The following ZMYM4 variants were observed in gnomAD, a reference collection of about 807,000 sequenced individuals.
The protein encoded by ZMYM4 is zinc finger MYM-type containing 4.
In ZMYM4, 31 loss-of-function variants were observed where a neutral mutation model predicts 183.2. The observed-to-expected ratio is 0.17, with a 90% CI of 0.13 to 0.23. The LOEUF is 0.23. Ranked by LOEUF, ZMYM4 falls within the 10% of genes least tolerant of loss-of-function variation. The probability of loss-of-function intolerance (pLI) is 1.00; values close to 1 mark genes in which losing one functional copy is unlikely to be tolerated. For synonymous variants in ZMYM4, 592 were observed against 631.2 expected, an observed-to-expected ratio of 0.94 and a Z score of 0.93; for missense variants, 1,273 against 1,840.3, an observed-to-expected ratio of 0.69 and a Z score of 5.64.
chr1:35,364,624 T>C (rs1644024675), intron 5 of ZMYM4, among the ~76,000 whole-genome samples: 1 of 152,198 alleles, frequency 6.6e-6, no homozygotes, highest in Admixed American at 6.5e-5. Flanking sequence ...TATTAGCCTC[T>C]CATAAAATAC....
intron 26 of ZMYM4, among the ~76,000 whole-genome samples, chr1:35,413,496 T>C (rs558973527): frequency 6.6e-6 from 1 of 152,340 alleles, no homozygotes; most frequent in East Asian, 1.9e-4. Context: ...TCCAAATAAA[T>C]AGTTTTTAAA....
At chr1:35,308,193 C>T (rs1022731196) in intron 1 of ZMYM4, among the ~76,000 whole-genome samples, 1 of 151,878 alleles carries the variant, frequency 6.6e-6, no homozygotes, top group South Asian at 2.1e-4. Context: ...GGTTTTGCCA[C>T]GTTGGCCAGG....
chr1:35,361,842 T>C, intron 5 of ZMYM4, 53 bp downstream of exon 5: 7 of 1,565,208 alleles, frequency 4.5e-6, no homozygotes, highest in South Asian at 2.4e-5. Context: ...CATTGAATTA[T>C]TCATTTGAGA....
At chr1:35,352,679 C>G (rs776392292) in intron 2 of ZMYM4, among the ~76,000 whole-genome samples, 7 of 152,172 alleles carry the variant, frequency 4.6e-5, no homozygotes, top group Non-Finnish European at 1.0e-4. Flanking sequence ...GCACTCCCTC[C>G]TATTTTCTTC....
chr1:35,279,175 G>A (rs2148679883), intron 1 of ZMYM4, among the ~76,000 whole-genome samples: 1 of 152,244 alleles, frequency 6.6e-6, no homozygotes, highest in Admixed American at 6.5e-5. Context: ...TTCCCTGAAG[G>A]GTTGCACATG....
intron 2 of ZMYM4, among the ~76,000 whole-genome samples, chr1:35,345,226 A>G (rs1000562496): frequency 2.6e-5 from 4 of 152,188 alleles, no homozygotes; most frequent in African/African-American, 4.8e-5. Context: ...TAAATAGTCA[A>G]GTGTCACGTG....
At chr1:35,336,887 ATGT>A (rs1318236555) in intron 2 of ZMYM4, among the ~76,000 whole-genome samples, 1 of 152,130 alleles carries the variant, frequency 6.6e-6, no homozygotes, top group Non-Finnish European at 1.5e-5. Flanking sequence ...AGTTCCCCCC[ATGT>A]TGTTCTTGTG....
intron 5 of ZMYM4, 59 bp from the exon 6 acceptor site, chr1:35,369,970 A>T (rs1185475255): frequency 8.0e-7 from 1 of 1,245,090 alleles, no homozygotes; most frequent in East Asian, 2.5e-5. Context: ...GAATGTCTGG[A>T]TGTCTTTAGG....
chr1:35,415,756 T>G (rs1300005346), intron 28 of ZMYM4, 42 bp downstream of exon 28: 3 of 1,596,336 alleles, frequency 1.9e-6, no homozygotes, highest in Non-Finnish European at 2.6e-6. Flanking sequence ...GAAGTCTTAG[T>G]AGTAGTACTA....
intron 9 of ZMYM4, 143 bp downstream of exon 9, chr1:35,381,901 T>G (rs538883073): frequency 1.4e-5 from 15 of 1,043,240 alleles, no homozygotes; most frequent in Admixed American, 5.6e-5. Context: ...TCCCAGCACT[T>G]TGGGAGGCTG....
chr1:35,364,443 A>G (rs1644019342), intron 5 of ZMYM4, among the ~76,000 whole-genome samples: 1 of 152,046 alleles, frequency 6.6e-6, no homozygotes, highest in South Asian at 2.1e-4. Context: ...TAGATATGTG[A>G]TTCTTTCCTT....
At chr1:35,323,155 C>T (rs1455305622) in intron 1 of ZMYM4, among the ~76,000 whole-genome samples, 1 of 151,910 alleles carries the variant, frequency 6.6e-6, no homozygotes, top group African/African-American at 2.4e-5. Context: ...GTGCCCGCCA[C>T]CACGCCCAGC....
At chr1:35,271,853 A>G (rs1021578938) in intron 1 of ZMYM4, among the ~76,000 whole-genome samples, 1 of 152,182 alleles carries the variant, frequency 6.6e-6, no homozygotes, top group African/African-American at 2.4e-5. Context: ...AGTCCTCGCT[A>G]TTCAGAGGTT....
intron 1 of ZMYM4, among the ~76,000 whole-genome samples, chr1:35,311,990 G>A (rs1017543465): frequency 1.3e-5 from 2 of 151,964 alleles, no homozygotes; most frequent in African/African-American, 4.8e-5. Context: ...GGGCTCAAGC[G>A]ATCCTCCCAT....
chr1:35,397,399 C>G lies in ZMYM4; in HGVS notation c.3053C>G (p.Pro1018Arg). ...CAGATGCCTGTCCCTATGCTTATTC[C>G]ATCTTCAATGGATAGTGAAGATAAA... is the stretch of plus-strand genomic sequence containing the variant. ...PVPMPVPMLI[P>R]SSMDSEDKVT... The change falls in exon 20 of 30, where the codon CCA becomes CGA. Residue 1018 changes from proline (P) to arginine (R), a missense_variant. Physicochemically the swap from Pro to Arg is moderately radical, Grantham distance 103. Around this residue, in one of 6 missense-constraint regions of ZMYM4, gnomAD observed 290 missense variants for 353.3 expected, o/e 0.82. Coordinates refer to ENST00000314607, the MANE Select transcript of ZMYM4 (RefSeq NM_005095.3). The G allele has an allele frequency of 6.2e-7, 1 of 1,606,138 alleles. No individual in the cohort carries two copies. The highest frequency in any genetic ancestry group is 8.5e-7 in the Non-Finnish European group (1 of 1,176,548).
At position 35,339,127 on chromosome 1, in the gene ZMYM4, A is replaced by T. The variant is rs933691206; in HGVS notation, c.85+13722A>T. Reference sequence around the variant, plus strand: ...CCAATCGTGGATCAAAAATATTTGGAAAAAAATATTGATGATTGCATTTGT... The same window carrying T: ...CCAATCGTGGATCAAAAATATTTGGTAAAAAATATTGATGATTGCATTTGT... On this transcript the variant is annotated intron_variant, in intron 2 of 29. Coordinates refer to ENST00000314607, the MANE Select transcript of ZMYM4 (RefSeq NM_005095.3). Among the ~76,000 whole-genome samples the T allele has an allele frequency of 2.0e-5, 3 of 152,312 alleles. No individual in the cohort carries two copies. In the South Asian group the frequency reaches 6.2e-4, roughly 32 times the overall value.
intron 1 of ZMYM4, among the ~76,000 whole-genome samples, chr1:35,288,193 A>G (rs913884391): frequency 6.6e-6 from 1 of 152,120 alleles, no homozygotes. Context: ...CTCATTTTGC[A>G]TGTTTTGTCT....
chr1:35,400,419 A>G (rs964790149), intron 23 of ZMYM4: 1 of 151,492 alleles, frequency 6.6e-6, no homozygotes, highest in African/African-American at 2.4e-5. Context: ...GTTAGCCAGG[A>G]TGGTCTCGAT....
chr1:35,358,100 G>A (rs1314592236), intron 2 of ZMYM4, among the ~76,000 whole-genome samples: 1 of 152,202 alleles, frequency 6.6e-6, no homozygotes, highest in Non-Finnish European at 1.5e-5. Context: ...AAAAGTTCCA[G>A]TGGAAAGTTG....
Sources: gnomAD v4.1 joint callset for allele counts (sites outside exome capture counted in the v4.1 genomes callset) on GRCh38, gnomAD v4.1.1 for gene constraint, gnomAD v4.1.1 regional missense constraint, MANE v1.5 for transcripts, NCBI Gene and HGNC (gene_info 2026-07-23, HGNC 2026-07-21) for gene names.